FRMD4B: variants seen among roughly 807,000 people sequenced by gnomAD.
FRMD4B encodes FERM domain-containing protein 4B.
In FRMD4B, 74 loss-of-function variants were observed where a neutral mutation model predicts 141.5. That is an observed-to-expected ratio of 0.52 (90% confidence interval 0.43 to 0.63). FRMD4B has a LOEUF of 0.63. Among genes scored for constraint, FRMD4B ranks in the 30% least tolerant of loss-of-function variants. The pLI, the probability that FRMD4B is intolerant of heterozygous loss-of-function variation, is 0.00. For synonymous variants in FRMD4B, 506 were observed against 467.9 expected (o/e 1.08, Z -1.05); for missense variants, 1,366 against 1,253.4 (o/e 1.09, Z -1.36).
chr3:69,498,525 T>C (rs1014791227), intron 1 of FRMD4B, among the ~76,000 whole-genome samples: 4 of 152,184 alleles, frequency 2.6e-5, no homozygotes, highest in Non-Finnish European at 4.4e-5. Flanking sequence ...CTTCAAGGTA[T>C]TGAGCTTAGA....
At chr3:69,388,386 A>G (rs991489185), upstream of FRMD4B, among the ~76,000 whole-genome samples, 3 of 152,204 alleles carry the variant, frequency 2.0e-5, no homozygotes, top group East Asian at 3.8e-4. Flanking sequence ...CAGCTTTAGC[A>G]TCACCTGGGA....
intron 11 of FRMD4B, among the ~76,000 whole-genome samples, chr3:69,211,833 T>G (rs1053272802): frequency 2.0e-5 from 3 of 152,124 alleles, no homozygotes; most frequent in African/African-American, 7.2e-5. Flanking sequence ...CCTCCTTTAA[T>G]AGAAGGCTGT....
intron 1 of FRMD4B, among the ~76,000 whole-genome samples, chr3:69,315,978 C>T (rs56119799): frequency 0.34 from 52,054 of 152,200 alleles, 9,676 homozygotes; most frequent in East Asian, 0.59. Flanking sequence ...TACATTATTT[C>T]TGAGCGGCAC....
In FRMD4B at chr3:69,275,440, CTCT is replaced by C. The variant is rs1413646225; in HGVS notation, c.501+12309_501+12311del. On this transcript the variant is annotated intron_variant, in intron 5 of 22. Coordinates refer to ENST00000398540, the MANE Select transcript of FRMD4B (RefSeq NM_015123.3). Reference sequence around the variant, plus strand: ...AAATGTTTTTATTCTCTCTCTCTCTCTCTTTTTTTTTTTTTTTGAGACAAGTTC... The same window carrying C: ...AAATGTTTTTATTCTCTCTCTCTCTCTTTTTTTTTTTTTTGAGACAAGTTC... Among the ~76,000 whole-genome samples, 244 of 33,488 alleles carry C rather than the reference CTCT, an allele frequency of 7.3e-3. 2 individuals are homozygous for C. Among genetic ancestry groups the C allele is most frequent in the Middle Eastern group, 0.017 (1 of 58 alleles). The allele number at this position is 33,488 out of a possible 152,430, so 22.0% of individuals were successfully genotyped here.
chr3:69,200,925 G>T, intron 11 of FRMD4B: 1 of 450,744 alleles, frequency 2.2e-6, no homozygotes, highest in Non-Finnish European at 4.5e-6. Flanking sequence ...CATGATCTCT[G>T]AAAGTCACCA....
intron 11 of FRMD4B, among the ~76,000 whole-genome samples, chr3:69,208,422 A>T (rs1285560365): frequency 1.3e-5 from 2 of 152,058 alleles, no homozygotes; most frequent in African/African-American, 4.8e-5. Flanking sequence ...CTGGTCTGGT[A>T]CTCCAGACCT....
At chr3:69,225,258 G>A (rs2093239211) in intron 7 of FRMD4B, among the ~76,000 whole-genome samples, 1 of 152,024 alleles carries the variant, frequency 6.6e-6, no homozygotes, top group South Asian at 2.1e-4. Context: ...TGAAACCCAA[G>A]GTATCTCTTA....
At chr3:69,414,727 C>T (rs1704821815) in intron 2 of FRMD4B, among the ~76,000 whole-genome samples, 1 of 152,154 alleles carries the variant, frequency 6.6e-6, no homozygotes, top group Non-Finnish European at 1.5e-5. Flanking sequence ...GAAAGCAGGC[C>T]CAGCCTGTGC....
At chr3:69,385,395 A>G (rs1704224608) in intron 1 of FRMD4B, among the ~76,000 whole-genome samples, 1 of 152,172 alleles carries the variant, frequency 6.6e-6, no homozygotes, top group Non-Finnish European at 1.5e-5. Flanking sequence ...ATCCAACGGA[A>G]GGATAAAAAT....
intron 10 of FRMD4B, among the ~76,000 whole-genome samples, chr3:69,217,232 A>G (rs576034455): frequency 1.3e-5 from 2 of 152,326 alleles, no homozygotes; most frequent in East Asian, 3.9e-4. Flanking sequence ...TTTATCTTTT[A>G]TGTTTTGCCA....
At chr3:69,262,922 T>C (rs1249467668) in intron 5 of FRMD4B, among the ~76,000 whole-genome samples, 1 of 152,072 alleles carries the variant, frequency 6.6e-6, no homozygotes, top group Non-Finnish European at 1.5e-5. Context: ...ATGACTCCTG[T>C]CATACAAAGT....
intron 1 of FRMD4B, among the ~76,000 whole-genome samples, chr3:69,495,824 T>G (rs934951124): frequency 1.3e-5 from 2 of 152,222 alleles, no homozygotes; most frequent in Non-Finnish European, 2.9e-5. Context: ...TTATTGTTGT[T>G]TGACTACGTT....
intron 1 of FRMD4B, among the ~76,000 whole-genome samples, chr3:69,330,422 C>T (rs896946449): frequency 1.4e-4 from 18 of 130,628 alleles, no homozygotes; most frequent in Non-Finnish European, 2.6e-4. Flanking sequence ...TCTCGGCTTA[C>T]TGCAACCTCT....
At chr3:69,178,839 A>G (rs2092676352) in intron 21 of FRMD4B, among the ~76,000 whole-genome samples, 1 of 151,884 alleles carries the variant, frequency 6.6e-6, no homozygotes, top group African/African-American at 2.4e-5. Flanking sequence ...AGCAATCACT[A>G]TATAGAACTG....
intron 2 of FRMD4B, among the ~76,000 whole-genome samples, chr3:69,432,473 G>A (rs1160896391): frequency 6.6e-6 from 1 of 152,086 alleles, no homozygotes; most frequent in Admixed American, 6.6e-5. Flanking sequence ...TGCTAGTAAT[G>A]TAAATATTTT....
intron 1 of FRMD4B, among the ~76,000 whole-genome samples, chr3:69,471,195 A>C (rs1266931353): frequency 6.6e-6 from 1 of 152,216 alleles, no homozygotes; most frequent in Non-Finnish European, 1.5e-5. Flanking sequence ...TTCCTTAGAT[A>C]ATATCTTTGT....
intron 1 of FRMD4B, among the ~76,000 whole-genome samples, chr3:69,363,492 C>A (rs151178900): frequency 0.013 from 1,958 of 151,730 alleles, 50 homozygotes; most frequent in African/African-American, 0.043. Context: ...TGGGTTCACG[C>A]CATTCTCCTG....
intron 1 of FRMD4B, among the ~76,000 whole-genome samples, chr3:69,454,187 C>CA (rs1705546700): frequency 6.6e-6 from 1 of 152,200 alleles, no homozygotes; most frequent in South Asian, 2.1e-4. Flanking sequence ...ATAGTATCAT[C>CA]AAAGGAACTC....
intron 1 of FRMD4B, among the ~76,000 whole-genome samples, chr3:69,490,374 C>T (rs1559543713): frequency 6.6e-6 from 1 of 152,146 alleles, no homozygotes. Context: ...TTCTTTTTGT[C>T]ATGAATGCCT....
Sources: gnomAD v4.1 joint callset for allele counts (sites outside exome capture counted in the v4.1 genomes callset) on GRCh38, gnomAD v4.1.1 for gene constraint, MANE v1.5 for transcripts, NCBI Gene and HGNC (gene_info 2026-07-23, HGNC 2026-07-21) for gene names.